The following MAGI2 variants were observed in gnomAD, a reference collection of about 807,000 sequenced individuals.
MAGI2 encodes membrane-associated guanylate kinase, WW and PDZ domain-containing protein 2.
MAGI2 carries 35 observed loss-of-function variants against 133.3 expected under a neutral mutation model. That is an observed-to-expected ratio of 0.26 (90% CI 0.20 to 0.35). The LOEUF (loss-of-function observed/expected upper bound fraction) is 0.35, where lower values mean the gene tolerates loss of function less well. MAGI2 is among the 10% of genes least tolerant of loss of function. The pLI is 1.00. For synonymous variants in MAGI2, 729 were observed against 710.6 expected, an observed-to-expected ratio of 1.03 and a Z score of -0.41; for missense variants, 1,636 against 1,863.4, an observed-to-expected ratio of 0.88 and a Z score of 2.25.
In MAGI2 at chr7:78,127,238, C is replaced by T. The variant is rs778798072; in HGVS notation, c.3382G>A (p.Asp1128Asn). Residue 1128 changes from aspartate (D) to asparagine (N), a missense_variant, in exon 19 of 22, where the codon GAC becomes AAC. Physicochemically the swap from Asp to Asn is conservative, Grantham distance 23. Coordinates refer to ENST00000354212, the MANE Select transcript of MAGI2 (RefSeq NM_012301.4). ...PLLDYRQHSP[D>N]TRQYPLSDYR... The stretch of plus-strand genomic sequence containing the variant: ...TCCGACAGAGGGTACTGCCTGGTGT[C>T]GGGGGAGTGCTGCCTGTAGTCCAGT... 12 of 1,604,618 alleles carry T rather than the reference C, an allele frequency of 7.5e-6. No homozygotes were observed. The highest frequency in any genetic ancestry group is 2.2e-5 in the East Asian group (1 of 44,796).
At chr7:78,515,717 T>C (rs1183464331) in intron 4 of MAGI2, among the ~76,000 whole-genome samples, 3 of 152,042 alleles carry the variant, frequency 2.0e-5, no homozygotes, top group Admixed American at 2.0e-4. Context: ...CCTGACCAAA[T>C]GGAGAAACCC....
At chr7:78,403,242 C>T (rs932183888) in intron 6 of MAGI2, among the ~76,000 whole-genome samples, 8 of 151,616 alleles carry the variant, frequency 5.3e-5, no homozygotes, top group Non-Finnish European at 1.2e-4. Flanking sequence ...TGAGTGAGAA[C>T]ATGCGGTGTT....
Position 79,096,026 on chromosome 7 carries a change from C to T in MAGI2, c.302-88820G>A, listed in dbSNP as rs946295783. Among the ~76,000 whole-genome samples, 6 of 152,214 alleles carry T rather than the reference C, an allele frequency of 3.9e-5. No individual in the cohort carries two copies. In the East Asian group the frequency reaches 1.2e-3, roughly 29 times the overall value. On this transcript the variant is annotated intron_variant, in intron 1 of 21. Coordinates refer to ENST00000354212, the MANE Select transcript of MAGI2 (RefSeq NM_012301.4). The stretch of plus-strand genomic sequence containing the variant: ...AAAAGGTCCAGAGCAGGGGGCAGGG[C>T]TGTGCCTGAGGATGGAAGTGTGCTA...
intron 14 of MAGI2, among the ~76,000 whole-genome samples, chr7:78,176,787 G>A (rs1287222474): frequency 1.3e-5 from 2 of 152,000 alleles, no homozygotes; most frequent in African/African-American, 4.8e-5. Context: ...AGTTGAGACT[G>A]CAGTGAGCTG....
intron 2 of MAGI2, among the ~76,000 whole-genome samples, chr7:78,725,613 A>G (rs1054043130): frequency 2.6e-5 from 4 of 152,230 alleles, no homozygotes; most frequent in African/African-American, 9.7e-5. Context: ...CCTGGCTAAC[A>G]CGGTGAAACC....
At chr7:79,148,569 C>T (rs763903106) in intron 1 of MAGI2, among the ~76,000 whole-genome samples, 6 of 152,132 alleles carry the variant, frequency 3.9e-5, no homozygotes, top group East Asian at 1.9e-4. Context: ...TTGGAAGTTT[C>T]TAACTGGTTC....
intron 2 of MAGI2, among the ~76,000 whole-genome samples, chr7:78,697,521 G>C (rs1331248988): frequency 1.3e-5 from 2 of 152,066 alleles, no homozygotes; most frequent in Non-Finnish European, 2.9e-5. Context: ...TATGCTACTA[G>C]TATTTATCCA....
intron 1 of MAGI2, among the ~76,000 whole-genome samples, chr7:79,239,075 G>A (rs1832168562): frequency 6.6e-6 from 1 of 152,040 alleles, no homozygotes; most frequent in African/African-American, 2.4e-5. Context: ...ACATACACCT[G>A]ACAGCTATGC....
chr7:78,323,671 A>G (rs759215508), intron 9 of MAGI2, among the ~76,000 whole-genome samples: 16 of 152,116 alleles, frequency 1.1e-4, no homozygotes, highest in Non-Finnish European at 1.8e-4. Flanking sequence ...CATAGAACCT[A>G]GTTTCATTTT....
At chr7:79,302,494 C>T (rs1260526819) in intron 1 of MAGI2, among the ~76,000 whole-genome samples, 1 of 152,072 alleles carries the variant, frequency 6.6e-6, no homozygotes, top group African/African-American at 2.4e-5. Context: ...TTTGGGCAGC[C>T]TTCTATGACT....
At chr7:79,291,822 A>T (rs1347412547) in intron 1 of MAGI2, among the ~76,000 whole-genome samples, 1 of 152,200 alleles carries the variant, frequency 6.6e-6, no homozygotes, top group African/African-American at 2.4e-5. Context: ...TAAATCCCTT[A>T]TCAAATATAC....
intron 16 of MAGI2, among the ~76,000 whole-genome samples, chr7:78,139,940 C>A (rs941644226): frequency 6.6e-6 from 1 of 152,170 alleles, no homozygotes; most frequent in Non-Finnish European, 1.5e-5. Flanking sequence ...CAATGTTCCA[C>A]ACTGTTTTGG....
At chr7:78,141,710 C>T (rs573728933) in intron 16 of MAGI2, among the ~76,000 whole-genome samples, 1 of 152,142 alleles carries the variant, frequency 6.6e-6, no homozygotes, top group Non-Finnish European at 1.5e-5. Flanking sequence ...GTTTTCCCCC[C>T]TCCCAGCACC....
chr7:78,906,892 T>A (rs760796772), intron 2 of MAGI2, among the ~76,000 whole-genome samples: 4 of 146,930 alleles, frequency 2.7e-5, no homozygotes, highest in South Asian at 2.2e-4. Flanking sequence ...GTAATGGCAT[T>A]AATTGCTTTG....
intron 9 of MAGI2, among the ~76,000 whole-genome samples, chr7:78,311,136 C>T (rs2151095407): frequency 6.6e-6 from 1 of 152,284 alleles, no homozygotes; most frequent in Non-Finnish European, 1.5e-5. Context: ...TTACATTACA[C>T]AGCTAATAAG....
chr7:78,661,366 C>A (rs1182513661), intron 2 of MAGI2, among the ~76,000 whole-genome samples: 83 of 152,224 alleles, frequency 5.5e-4, no homozygotes, highest in South Asian at 5.4e-3. Flanking sequence ...GCATTTTTAA[C>A]TGCCTATTAG....
intron 6 of MAGI2, among the ~76,000 whole-genome samples, chr7:78,415,988 G>C (rs1798263213): frequency 6.6e-6 from 1 of 152,106 alleles, no homozygotes; most frequent in Non-Finnish European, 1.5e-5. Context: ...AGTGGGTGGG[G>C]TGACTCCCAG....
chr7:79,220,637 T>C (rs1830375584), intron 1 of MAGI2, among the ~76,000 whole-genome samples: 1 of 151,988 alleles, frequency 6.6e-6, no homozygotes, highest in Non-Finnish European at 1.5e-5. Flanking sequence ...ATCCTAGAGC[T>C]AATGCTCGGG....
chr7:78,723,070 T>A (rs923803375), intron 2 of MAGI2, among the ~76,000 whole-genome samples: 1 of 152,136 alleles, frequency 6.6e-6, no homozygotes, highest in Non-Finnish European at 1.5e-5. Context: ...CACCTTAAGA[T>A]ATTAAGTTGT....
Sources: gnomAD v4.1 joint callset for allele counts (sites outside exome capture counted in the v4.1 genomes callset) on GRCh38, gnomAD v4.1.1 for gene constraint, MANE v1.5 for transcripts, NCBI Gene and HGNC (gene_info 2026-07-23, HGNC 2026-07-21) for gene names.